Variants in ITIH5 observed in about 807,000 individuals in gnomAD.
ITIH5 encodes the protein inter-alpha-trypsin inhibitor heavy chain 5, also known as inter-alpha-trypsin inhibitor heavy chain H5.
ITIH5 carries 65 observed loss-of-function variants against 77.5 expected under a neutral mutation model. The ratio of observed to expected loss-of-function variants is 0.84; its 90% CI spans 0.69 to 1.03. The LOEUF (loss-of-function observed/expected upper bound fraction) is 1.03, where lower values mean the gene tolerates loss of function less well. Ranked by LOEUF, ITIH5 falls within the 50% of genes least tolerant of loss-of-function variation. The pLI, the probability that ITIH5 is intolerant of heterozygous loss-of-function variation, is 0.00. For missense variants in ITIH5, 1,208 were observed against 1,213.1 expected (o/e 1.00, Z 0.06); for synonymous variants, 525 against 494.3 (o/e 1.06, Z -0.82).
chr10:7,662,006 A>G lies in ITIH5; in HGVS notation c.90+4797T>C, dbSNP rs140257647. Among the ~76,000 whole-genome samples the G allele has an allele frequency of 2.6e-3, 397 of 152,326 alleles. 3 individuals carry two copies. The highest frequency in any genetic ancestry group is 0.017 in the Admixed American group (263 of 15,310). ...TGTGAACCACTGTGCCTGGCCGATT[A>G]AAATTTTTTAAAAGCAACTGCCATT... On this transcript the variant is annotated intron_variant, in intron 1 of 13. Coordinates refer to ENST00000397146, the MANE Select transcript of ITIH5 (RefSeq NM_030569.7).
At chr10:7,599,307 A>T (rs917373665) in intron 7 of ITIH5, among the ~76,000 whole-genome samples, 9 of 152,136 alleles carry the variant, frequency 5.9e-5, no homozygotes, top group African/African-American at 2.2e-4. Context: ...ACCTACCTCT[A>T]ACTCTTGGCT....
rs1416780569 is a variant in ITIH5, at chr10:7,573,137, T to C, written c.2032+5A>G. The stretch of plus-strand genomic sequence containing the variant: ...ATCCACACACAACCGCATCCTTTGC[T>C]TTACCTGATGTTTTAGAGATTTTAA... On this transcript the variant is annotated splice_donor_5th_base_variant and intron_variant, in intron 11 of 13. Coordinates refer to ENST00000397146, the MANE Select transcript of ITIH5 (RefSeq NM_030569.7). The C allele has an allele frequency of 6.2e-7, 1 of 1,612,952 alleles. No homozygotes were observed.
At chr10:7,615,796 C>A (rs1051847996) in intron 7 of ITIH5, among the ~76,000 whole-genome samples, 186 bp downstream of exon 7, 1 of 152,326 alleles carries the variant, frequency 6.6e-6, no homozygotes, top group Admixed American at 6.5e-5. Flanking sequence ...TCTCTTAAAA[C>A]CACCACGCTG....
At chr10:7,624,857 G>GTATATACATATATATATGTA in intron 5 of ITIH5, among the ~76,000 whole-genome samples, 1 of 56,098 alleles carries the variant, frequency 1.8e-5, no homozygotes, top group Non-Finnish European at 3.4e-5. Flanking sequence ...ATATATATGT[G>GTATATACATATATATATGTA]TATATATGTA....
intron 8 of ITIH5, among the ~76,000 whole-genome samples, chr10:7,582,074 A>G (rs919587058): frequency 1.3e-5 from 2 of 151,626 alleles, no homozygotes; most frequent in Admixed American, 6.6e-5. Flanking sequence ...GACGGGTTTC[A>G]CCATGTTGGC....
chr10:7,634,353 C>A (rs918103060), intron 5 of ITIH5, among the ~76,000 whole-genome samples: 1 of 152,134 alleles, frequency 6.6e-6, no homozygotes, highest in Non-Finnish European at 1.5e-5. Flanking sequence ...GCTAAGGCTG[C>A]CATTTTGCAG....
intron 5 of ITIH5, among the ~76,000 whole-genome samples, chr10:7,634,255 C>T (rs1833762647): frequency 1.3e-5 from 2 of 152,080 alleles, no homozygotes; most frequent in African/African-American, 4.8e-5. Flanking sequence ...TGGTGCAAGC[C>T]CAATTCCAGT....
chr10:7,587,346 T>G (rs1832700578), intron 7 of ITIH5, among the ~76,000 whole-genome samples: 1 of 152,186 alleles, frequency 6.6e-6, no homozygotes, highest in South Asian at 2.1e-4. Flanking sequence ...AACTCTGTCT[T>G]CCCAAGCAGC....
rs1238449195 is a variant in ITIH5 at position 7,563,277 on chromosome 10, G to A, written c.2635C>T (p.Leu879=). ...GGGACTTGGTGGCCTTTCACTGTTA[G>A]GACGGCCTCAGGCCCCTCTCCCACC... is the stretch of plus-strand genomic sequence containing the variant. The part of the protein sequence containing the change: ...LQVGEGPEAV[L]TVKGHQVPVV... Residue 879 remains leucine (L), a synonymous_variant, in exon 14 of 14, where the codon CTA becomes TTA. Coordinates refer to ENST00000397146, the MANE Select transcript of ITIH5 (RefSeq NM_030569.7). The A allele has an allele frequency of 6.2e-7, 1 of 1,614,196 alleles. No homozygotes were observed. The highest frequency in any genetic ancestry group is 8.5e-7 in the Non-Finnish European group (1 of 1,180,036).
Position 7,640,472 on chromosome 10 carries a change from T to C in ITIH5, c.401+282A>G, listed in dbSNP as rs77769883. Among the ~76,000 whole-genome samples the C allele has an allele frequency of 0.13, 17,922 of 139,404 alleles. 1,496 individuals carry two copies. The highest frequency in any genetic ancestry group is 0.18 in the Non-Finnish European group (11,958 of 65,312). 91.5% of individuals were successfully genotyped at this position (139,404 alleles called of 152,430 possible). ...AGCCTGGGCAAAGAGTGAGACCTCA[T>C]TCCAAAAAAAAAAAAAAAAGGAAAA... is the stretch of plus-strand genomic sequence containing the variant. On this transcript the variant is annotated intron_variant, in intron 4 of 13. Transcript: ENST00000397146.
At chr10:7,638,119 A>C (rs1833830577) in intron 4 of ITIH5, among the ~76,000 whole-genome samples, 1 of 152,248 alleles carries the variant, frequency 6.6e-6, no homozygotes. Flanking sequence ...TCAGTAGAGC[A>C]AGAATTTTAT....
Position 7,596,951 on chromosome 10 carries a change from C to A in ITIH5, c.940-10882G>T, listed in dbSNP as rs570842577. 1.6e-4 allele frequency among the ~76,000 whole-genome samples: 23 copies of A among 143,688 alleles called. No individual in the cohort carries two copies. The South Asian group carries it at 5.0e-3, about 31-fold the overall frequency. The allele number at this position is 143,688 out of a possible 152,430, so 94.3% of individuals were successfully genotyped here. A position where few individuals can be genotyped will look rare whatever the true frequency, so the allele number is the denominator to read the frequency against. On this transcript the variant is annotated intron_variant, in intron 7 of 13. Coordinates refer to ENST00000397146, the MANE Select transcript of ITIH5 (RefSeq NM_030569.7). Reference sequence around the variant, plus strand: ...AATCCCAGCTACTCGGGAGGTGAGGCGGGAGAATTGCATGAAACCAGGAGG... The same window carrying A: ...AATCCCAGCTACTCGGGAGGTGAGGAGGGAGAATTGCATGAAACCAGGAGG...
intron 7 of ITIH5, among the ~76,000 whole-genome samples, chr10:7,586,322 G>A (rs1047083453): frequency 2.6e-5 from 4 of 152,044 alleles, no homozygotes; most frequent in African/African-American, 7.2e-5. Flanking sequence ...TCGGGCCTCC[G>A]CATCTCCACA....
rs773420982 is a variant in ITIH5, at chr10:7,616,083, A to T, written c.838T>A (p.Phe280Ile). The stretch of plus-strand genomic sequence containing the variant: ...TCTTTAGGAGCAAAGTAGTGCACAA[A>T]ATAGCCATTTAGAACCTGGTGGAGG... ...IGDIQVLNGY[F>I]VHYFAPKDLP... The change falls in exon 7 of 14, where the codon TTT (phenylalanine) becomes ATT (isoleucine). Residue 280 changes from phenylalanine to isoleucine, a missense_variant. By Grantham distance (21) the Phe-to-Ile change is conservative. Transcript: ENST00000397146. 23 of 1,606,626 alleles carry T rather than the reference A, an allele frequency of 1.4e-5. No individual in the cohort carries two copies. The East Asian group carries it at 5.1e-4, about 36-fold the overall frequency.
chr10:7,567,233 G>A (rs956432944), intron 12 of ITIH5, among the ~76,000 whole-genome samples: 2 of 151,928 alleles, frequency 1.3e-5, no homozygotes, highest in Non-Finnish European at 2.9e-5. Context: ...TTTCCTTCCA[G>A]TGTGGCTGTA....
Position 7,666,907 on chromosome 10 carries a change from G to A in ITIH5, c.-15C>T, listed in dbSNP as rs751722207. 40 of 1,580,606 alleles carry A rather than the reference G, an allele frequency of 2.5e-5. No individual in the cohort carries two copies. The East Asian group carries it at 8.4e-4, about 33-fold the overall frequency. ...AGCAGGAGCATGGCGGGGCGAGGGC[G>A]CGGGACGCTCGGGGACCCGGCGGGA... On this transcript the variant is annotated 5_prime_UTR_variant, in exon 1 of 14. Coordinates refer to ENST00000397146, the MANE Select transcript of ITIH5 (RefSeq NM_030569.7).
chr10:7,651,190 G>T (rs1213237286), intron 2 of ITIH5, among the ~76,000 whole-genome samples: 8 of 148,672 alleles, frequency 5.4e-5, no homozygotes, highest in Non-Finnish European at 1.0e-4. Context: ...CCCAGGGCTG[G>T]CTTGTTCCTA....
intron 10 of ITIH5, among the ~76,000 whole-genome samples, chr10:7,573,464 C>T (rs975987660): frequency 6.0e-5 from 9 of 151,160 alleles, no homozygotes; most frequent in Admixed American, 5.3e-4. Flanking sequence ...CCCAGGAGTT[C>T]GAGACCGGCC....
At chr10:7,628,613 T>A (rs2131057357) in intron 5 of ITIH5, among the ~76,000 whole-genome samples, 1 of 130,454 alleles carries the variant, frequency 7.7e-6, no homozygotes, top group East Asian at 2.1e-4. Flanking sequence ...CATGCATCCA[T>A]GTTATGGGAT....
Sources: gnomAD v4.1 joint callset for allele counts (sites outside exome capture counted in the v4.1 genomes callset) on GRCh38, gnomAD v4.1.1 for gene constraint, MANE v1.5 for transcripts, NCBI Gene and HGNC (gene_info 2026-07-23, HGNC 2026-07-21) for gene names.